ITGA9: variants seen among roughly 807,000 people sequenced by gnomAD.
ITGA9 encodes the protein integrin alpha-9.
ITGA9 carries 56 observed loss-of-function variants against 127.8 expected under a neutral mutation model. The ratio of observed to expected loss-of-function variants is 0.44; its 90% CI spans 0.35 to 0.55. The LOEUF (loss-of-function observed/expected upper bound fraction) is 0.55, where lower values mean the gene tolerates loss of function less well. ITGA9 is among the 20% of genes least tolerant of loss of function. The pLI is 0.00. For synonymous variants in ITGA9, 508 were observed against 514.5 expected, an observed-to-expected ratio of 0.99 and a Z score of 0.17; for missense variants, 1,196 against 1,347.1, an observed-to-expected ratio of 0.89 and a Z score of 1.76.
chr3:37,770,234 G>T (rs189809937), intron 23 of ITGA9, among the ~76,000 whole-genome samples: 2 of 152,182 alleles, frequency 1.3e-5, no homozygotes. Flanking sequence ...AGCATATGCC[G>T]TTCTCTAACA....
At chr3:37,494,667 C>A in intron 5 of ITGA9, 99 bp downstream of exon 5, 1 of 949,124 alleles carries the variant, frequency 1.1e-6, no homozygotes, top group Non-Finnish European at 1.7e-6. Context: ...TTCTGGAGTC[C>A]CAGATACTTG....
Position 37,601,219 on chromosome 3 carries a change from C to G in ITGA9, c.1690-27968C>G, listed in dbSNP as rs531406583. ...TCCTTTCTTTCTGCCACGCCTCCACCTTCCATTGGAGACTCCTATTTCTCC... is the reference window on the plus strand; with the variant it reads ...TCCTTTCTTTCTGCCACGCCTCCACGTTCCATTGGAGACTCCTATTTCTCC... On this transcript the variant is annotated intron_variant, in intron 15 of 27. Transcript: ENST00000264741. 7.9e-5 allele frequency among the ~76,000 whole-genome samples: 12 copies of G among 152,308 alleles called. No homozygotes were observed. In the South Asian group the frequency reaches 2.3e-3, roughly 29 times the overall value.
At chr3:37,588,434 C>A (rs1285647944) in intron 15 of ITGA9, among the ~76,000 whole-genome samples, 2 of 152,110 alleles carry the variant, frequency 1.3e-5, no homozygotes, top group Non-Finnish European at 2.9e-5. Flanking sequence ...CAGAGGCTGC[C>A]CTTGGACCTC....
rs527347731 is a variant in ITGA9, at chr3:37,755,987, AAAAT to A, written c.2541+5423_2541+5426del. ...CAAAAGGAAAGAATTTATGAAGAAA[AAAAT>A]AAATGTATAATAAGATGGAAGTAAT... On this transcript the variant is annotated intron_variant, in intron 23 of 27. Transcript: ENST00000264741. Among the ~76,000 whole-genome samples the A allele has an allele frequency of 2.7e-3, 410 of 152,284 alleles. 1 individual carries two copies. The highest frequency in any genetic ancestry group is 9.2e-3 in the African/African-American group (383 of 41,590).
At chr3:37,683,809 C>A in intron 17 of ITGA9, 56 bp from the exon 18 acceptor site, 1 of 1,583,896 alleles carries the variant, frequency 6.3e-7, no homozygotes, top group Non-Finnish European at 8.7e-7. Context: ...CCCTGTGCCT[C>A]ATGTTATATT....
At chr3:37,715,075 C>T (rs190280812) in intron 18 of ITGA9, among the ~76,000 whole-genome samples, 7 of 152,294 alleles carry the variant, frequency 4.6e-5, no homozygotes, top group Admixed American at 2.6e-4. Flanking sequence ...CAAAATGCCA[C>T]GTGTTCAGAG....
At chr3:37,778,637 A>G (rs1447119471) in intron 24 of ITGA9, among the ~76,000 whole-genome samples, 1 of 151,988 alleles carries the variant, frequency 6.6e-6, no homozygotes, top group East Asian at 1.9e-4. Flanking sequence ...AAAAAATTAT[A>G]AAGACACACA....
chr3:37,727,746 G>C (rs1696232924), intron 18 of ITGA9, among the ~76,000 whole-genome samples: 2 of 152,144 alleles, frequency 1.3e-5, no homozygotes. Flanking sequence ...ATCACAAAAG[G>C]ATCATTTTAA....
chr3:37,779,920 A>C lies in ITGA9; in HGVS notation c.2686A>C (p.Ile896Leu), dbSNP rs1319304873. 2 of 1,614,116 alleles carry C rather than the reference A, an allele frequency of 1.2e-6. No individual in the cohort carries two copies. The highest frequency in any genetic ancestry group is 1.7e-6 in the Non-Finnish European group (2 of 1,179,962). Residue 896 changes from isoleucine to leucine, a missense_variant, in exon 25 of 28, where the codon ATT (isoleucine) becomes CTT (leucine). Coordinates refer to ENST00000264741, the MANE Select transcript of ITGA9 (RefSeq NM_002207.3). ...RKVLDCEKPG[I>L]SCLTAHCNFS... ...TTCTCAGGACTGTGAAAAACCAGGA[A>C]TTTCTTGCCTAACAGCACACTGTAA...
intron 17 of ITGA9, among the ~76,000 whole-genome samples, chr3:37,676,151 A>G (rs977106602): frequency 6.6e-6 from 1 of 152,244 alleles, no homozygotes; most frequent in Non-Finnish European, 1.5e-5. Flanking sequence ...CAAATCAACC[A>G]TATTATATCG....
intron 23 of ITGA9, among the ~76,000 whole-genome samples, chr3:37,766,465 G>C (rs1042940032): frequency 6.6e-6 from 1 of 152,188 alleles, no homozygotes; most frequent in Non-Finnish European, 1.5e-5. Flanking sequence ...AGTGGAAGAG[G>C]TTAGATAGAT....
At chr3:37,701,963 T>TTC (rs1458387902) in intron 18 of ITGA9, among the ~76,000 whole-genome samples, 1 of 152,110 alleles carries the variant, frequency 6.6e-6, no homozygotes, top group Admixed American at 6.5e-5. Flanking sequence ...CATCTCTGCT[T>TTC]TCAGGGAGCT....
chr3:37,519,725 G>T (rs1699025649), intron 11 of ITGA9, among the ~76,000 whole-genome samples: 1 of 152,216 alleles, frequency 6.6e-6, no homozygotes, highest in African/African-American at 2.4e-5. Flanking sequence ...GAAGAAAAAT[G>T]GTCCATGGTG....
At chr3:37,809,300 G>T (rs987589140) in intron 27 of ITGA9, among the ~76,000 whole-genome samples, 4 of 152,082 alleles carry the variant, frequency 2.6e-5, no homozygotes, top group African/African-American at 9.7e-5. Flanking sequence ...TGGCCAGGCT[G>T]GTCTCGAACT....
chr3:37,552,636 TTCTC>T (rs748355497), intron 15 of ITGA9, among the ~76,000 whole-genome samples: 1 of 152,170 alleles, frequency 6.6e-6, no homozygotes, highest in South Asian at 2.1e-4. Flanking sequence ...AGCGCTCTCT[TTCTC>T]TCTTGGGCGT....
intron 14 of ITGA9, among the ~76,000 whole-genome samples, chr3:37,540,606 G>A (rs1001620522): frequency 1.3e-5 from 2 of 152,162 alleles, no homozygotes; most frequent in Non-Finnish European, 2.9e-5. Context: ...CTGTTTGATG[G>A]GTGGCCCTCT....
At chr3:37,780,288 C>T (rs2844395) in intron 25 of ITGA9, among the ~76,000 whole-genome samples, 66,883 of 151,820 alleles carry the variant, frequency 0.44, 14,799 homozygotes, top group Middle Eastern at 0.46. Flanking sequence ...TGGTACCCAA[C>T]AGGTAACTTT....
At chr3:37,613,134 C>T (rs545518241) in intron 15 of ITGA9, among the ~76,000 whole-genome samples, 1 of 147,478 alleles carries the variant, frequency 6.8e-6, no homozygotes, top group Non-Finnish European at 1.5e-5. Flanking sequence ...CCACAACAGT[C>T]CCCAGTATGT....
chr3:37,725,058 C>A (rs918009062), intron 18 of ITGA9, among the ~76,000 whole-genome samples: 2 of 152,200 alleles, frequency 1.3e-5, no homozygotes, highest in Non-Finnish European at 1.5e-5. Flanking sequence ...TCTGATCTTT[C>A]ATGACCCCTG....
Sources: allele counts gnomAD v4.1 joint callset (sites outside exome capture counted in the v4.1 genomes callset), GRCh38; gene constraint gnomAD v4.1.1; transcripts MANE v1.5; gene names NCBI Gene and HGNC (gene_info 2026-07-23, HGNC 2026-07-21).